The following LHFPL3 variants were observed in gnomAD, a reference collection of about 807,000 sequenced individuals.
LHFPL3 encodes the protein LHFPL tetraspan subfamily member 3 protein.
Under a neutral mutation model 19.3 loss-of-function variants are expected in LHFPL3, and 5 were observed. The ratio of observed to expected loss-of-function variants is 0.26; its 90% CI spans 0.14 to 0.54. The LOEUF is 0.54. Ranked by LOEUF, LHFPL3 falls within the 20% of genes least tolerant of loss-of-function variation. The probability of loss-of-function intolerance (pLI) is 0.94; values close to 1 mark genes in which losing one functional copy is unlikely to be tolerated. For synonymous variants in LHFPL3, 133 were observed against 126.2 expected, an observed-to-expected ratio of 1.05 and a Z score of -0.36; for missense variants, 249 against 307.4, an observed-to-expected ratio of 0.81 and a Z score of 1.42.
At chr7:104,614,696 T>C (rs370546828) in intron 1 of LHFPL3, among the ~76,000 whole-genome samples, 15,391 of 87,368 alleles carry the variant, frequency 0.18, 1,243 homozygotes, top group Middle Eastern at 0.24. Flanking sequence ...TCTTTCTTTC[T>C]TTCTTTCTTT....
At chr7:104,605,185 T>C (rs1320054803) in intron 1 of LHFPL3, among the ~76,000 whole-genome samples, 2 of 152,226 alleles carry the variant, frequency 1.3e-5, no homozygotes, top group Non-Finnish European at 2.9e-5. Context: ...AATAAAGTTG[T>C]TAAACCTTTG....
At chr7:104,485,127 T>C (rs902152079) in intron 1 of LHFPL3, among the ~76,000 whole-genome samples, 9 of 152,190 alleles carry the variant, frequency 5.9e-5, no homozygotes, top group African/African-American at 2.2e-4. Context: ...TTGAACTTTA[T>C]GAAGTATTTA....
intron 1 of LHFPL3, among the ~76,000 whole-genome samples, chr7:104,720,066 T>C (rs1274666214): frequency 6.6e-6 from 1 of 152,194 alleles, no homozygotes; most frequent in South Asian, 2.1e-4. Context: ...AACATGGCTC[T>C]GGCTCTATTA....
intron 1 of LHFPL3, among the ~76,000 whole-genome samples, chr7:104,427,918 G>A (rs1486574966): frequency 1.3e-5 from 2 of 152,144 alleles, no homozygotes; most frequent in Non-Finnish European, 2.9e-5. Flanking sequence ...AAATATCACC[G>A]GCAGTCCCAA....
chr7:104,330,662 A>G (rs1801550362), intron 1 of LHFPL3, among the ~76,000 whole-genome samples: 1 of 151,378 alleles, frequency 6.6e-6, no homozygotes, highest in African/African-American at 2.4e-5. Flanking sequence ...AGCAGTAGAG[A>G]CTCCCTCCTT....
chr7:104,807,392 A>T (rs1183798703), intron 2 of LHFPL3, among the ~76,000 whole-genome samples: 2 of 152,194 alleles, frequency 1.3e-5, no homozygotes, highest in Non-Finnish European at 2.9e-5. Flanking sequence ...TCGATCCTGG[A>T]CTTCTAGTCT....
At chr7:104,616,136 A>G (rs1388833842) in intron 1 of LHFPL3, among the ~76,000 whole-genome samples, 1 of 152,208 alleles carries the variant, frequency 6.6e-6, no homozygotes, top group Non-Finnish European at 1.5e-5. Flanking sequence ...AGAAAAAACT[A>G]TTTTAAATTT....
intron 1 of LHFPL3, among the ~76,000 whole-genome samples, chr7:104,535,452 TATTC>T (rs574630059): frequency 5.3e-5 from 8 of 152,104 alleles, no homozygotes; most frequent in South Asian, 4.1e-4. Context: ...GCTGGAAAAA[TATTC>T]ATTAAGTTTC....
chr7:104,585,960 T>C lies in LHFPL3; in HGVS notation c.446-150715T>C, dbSNP rs192645747. Among the ~76,000 whole-genome samples the C allele has an allele frequency of 6.9e-3, 1,058 of 152,252 alleles. 5 individuals are homozygous for C. The highest frequency in any genetic ancestry group is 0.01 in the Non-Finnish European group (708 of 68,016). ...CCAGTGGCTTGCTGAATTAATCAAA[T>C]TACCTTAAAGTTCATGCAGTCAGTG... On this transcript the variant is annotated intron_variant, in intron 1 of 2. Coordinates refer to ENST00000424859, the MANE Select transcript of LHFPL3 (RefSeq NM_199000.3).
chr7:104,901,479 C>A (rs1017385195), intron 2 of LHFPL3, among the ~76,000 whole-genome samples: 4 of 152,150 alleles, frequency 2.6e-5, no homozygotes. Context: ...TCCCAGCACG[C>A]CTTCTGATGA....
intron 2 of LHFPL3, among the ~76,000 whole-genome samples, chr7:104,847,932 C>A (rs890621523): frequency 6.6e-6 from 1 of 152,354 alleles, no homozygotes; most frequent in Non-Finnish European, 1.5e-5. Context: ...CACATCTAGT[C>A]TGCAGCAGCC....
chr7:104,515,644 G>A (rs770469633), intron 1 of LHFPL3, among the ~76,000 whole-genome samples: 10 of 152,238 alleles, frequency 6.6e-5, no homozygotes, highest in African/African-American at 1.7e-4. Context: ...ATTGTGCTTC[G>A]AAGTAGTGTG....
intron 1 of LHFPL3, among the ~76,000 whole-genome samples, chr7:104,544,779 G>A (rs1011365005): frequency 6.6e-6 from 1 of 152,146 alleles, no homozygotes; most frequent in Non-Finnish European, 1.5e-5. Flanking sequence ...AAAGGGGAAT[G>A]TACAATTGTA....
At chr7:104,354,701 A>T (rs1419440716) in intron 1 of LHFPL3, among the ~76,000 whole-genome samples, 1 of 152,160 alleles carries the variant, frequency 6.6e-6, no homozygotes, top group African/African-American at 2.4e-5. Flanking sequence ...AGTTCAGGAG[A>T]TGAAGGTCAT....
chr7:104,660,025 G>A lies in LHFPL3; in HGVS notation c.446-76650G>A, dbSNP rs559179331. On this transcript the variant is annotated intron_variant, in intron 1 of 2. Coordinates refer to ENST00000424859, the MANE Select transcript of LHFPL3 (RefSeq NM_199000.3). ...ACTCGTTTTTTTTTTTTTTTGAGAC[G>A]GAGTCTCACTCTGTTGCCCAGGCTG... Among the ~76,000 whole-genome samples the A allele has an allele frequency of 1.5e-4, 22 of 148,494 alleles. 1 individual carries two copies. The highest frequency in any genetic ancestry group is 2.2e-4 in the Non-Finnish European group (15 of 67,174).
chr7:104,583,996 G>C (rs1218333602), intron 1 of LHFPL3, among the ~76,000 whole-genome samples: 1 of 152,114 alleles, frequency 6.6e-6, no homozygotes, highest in Non-Finnish European at 1.5e-5. Flanking sequence ...CTGCTATAAA[G>C]ACACATGAAC....
At chr7:104,763,012 C>T (rs1168123966) in intron 2 of LHFPL3, among the ~76,000 whole-genome samples, 1 of 152,198 alleles carries the variant, frequency 6.6e-6, no homozygotes, top group Non-Finnish European at 1.5e-5. Context: ...AAGGACAGGG[C>T]ACCAGACATT....
intron 1 of LHFPL3, among the ~76,000 whole-genome samples, chr7:104,591,773 T>G (rs765202582): frequency 2.6e-5 from 4 of 152,246 alleles, no homozygotes; most frequent in Non-Finnish European, 4.4e-5. Context: ...AGATTTGGAC[T>G]TTTCACATAG....
At chr7:104,489,520 A>G (rs897732254) in intron 1 of LHFPL3, among the ~76,000 whole-genome samples, 2 of 148,150 alleles carry the variant, frequency 1.3e-5, no homozygotes, top group Admixed American at 1.4e-4. Context: ...TTGCATCCCC[A>G]TCATCTAGTG....
Sources: gnomAD v4.1 joint callset for allele counts (sites outside exome capture counted in the v4.1 genomes callset) on GRCh38, gnomAD v4.1.1 for gene constraint, MANE v1.5 for transcripts, NCBI Gene and HGNC (gene_info 2026-07-23, HGNC 2026-07-21) for gene names.